Variants in HGSNAT observed in about 807,000 individuals in gnomAD.
HGSNAT encodes the protein transmembrane protein 76.
HGSNAT carries 59 observed loss-of-function variants against 85.2 expected under a neutral mutation model. That is an observed-to-expected ratio of 0.69 (90% CI 0.56 to 0.86). HGSNAT has a LOEUF of 0.86. Ranked by LOEUF, HGSNAT falls within the 40% of genes least tolerant of loss-of-function variation. The pLI is 0.00. For synonymous variants in HGSNAT, 321 were observed against 304.5 expected (o/e 1.05, Z -0.56); for missense variants, 756 against 777.1 (o/e 0.97, Z 0.32).
In HGSNAT at chr8:43,188,581, G is replaced by A. The variant is rs148518881; in HGVS notation, c.1129-2893G>A. Among the ~76,000 whole-genome samples, 665 of 152,208 alleles carry A rather than the reference G, an allele frequency of 4.4e-3. 4 individuals carry two copies. The highest frequency in any genetic ancestry group is 0.015 in the African/African-American group (636 of 41,520). On this transcript the variant is annotated intron_variant, in intron 11 of 17. Transcript: ENST00000379644. ...AAGGTTTTTAGCTTCTTTGAGATGG[G>A]TTCAAACATCCTCCTTTAGCTCGGA...
At chr8:43,175,193 G>T (rs2130758835) in intron 9 of HGSNAT, among the ~76,000 whole-genome samples, 2 of 152,218 alleles carry the variant, frequency 1.3e-5, no homozygotes, top group Admixed American at 1.3e-4. Context: ...CAATAAAGAT[G>T]GGAGTATCTC....
intron 10 of HGSNAT, among the ~76,000 whole-genome samples, chr8:43,178,576 T>C (rs1803895090): frequency 6.6e-6 from 1 of 150,894 alleles, no homozygotes; most frequent in Non-Finnish European, 1.5e-5. Context: ...CCCCTGCTAA[T>C]GTGATTTCAT....
intron 10 of HGSNAT, among the ~76,000 whole-genome samples, chr8:43,179,669 C>T (rs1201282820): frequency 3.8e-4 from 4 of 10,430 alleles, no homozygotes; most frequent in African/African-American, 8.7e-4. Context: ...GGGCTGATCC[C>T]CCCACCTCCC....
In HGSNAT at chr8:43,197,955, A is replaced by G; in HGVS notation, c.1726+3A>G. ...AGGAACCCCATTCTTTTATCCAGGT[A>G]AGTCACCTCCAACCTCAAACAGAGC... On this transcript the variant is annotated splice_donor_region_variant and intron_variant, in intron 17 of 17. Transcript: ENST00000379644. The G allele has an allele frequency of 6.2e-7, 1 of 1,600,594 alleles. No homozygotes were observed. The highest frequency in any genetic ancestry group is 8.6e-7 in the Non-Finnish European group (1 of 1,168,622).
chr8:43,196,475 T>C lies in HGSNAT; in HGVS notation c.1465-473T>C, dbSNP rs541973128. The C allele has an allele frequency of 7.7e-4, 993 of 1,289,490 alleles. 1 individual carries two copies. The highest frequency in any genetic ancestry group is 9.3e-4 in the Non-Finnish European group (915 of 989,044). The allele number at this position is 1,289,490 out of a possible 1,614,324, so 79.9% of individuals were successfully genotyped here. A position where few individuals can be genotyped will look rare whatever the true frequency, so the allele number is the denominator to read the frequency against. ...CAAACAGGCCTGTCTGACGGAACCC[T>C]TGTCACCTTTGTGGAGAATTCTCTT... On this transcript the variant is annotated intron_variant, in intron 14 of 17. Transcript: ENST00000379644.
intron 10 of HGSNAT, chr8:43,180,496 T>G (rs1316321042): frequency 3.3e-5 from 2 of 60,414 alleles, no homozygotes; most frequent in Non-Finnish European, 7.7e-5. Context: ...TCTCAGACGA[T>G]GGGCGGCCGG....
rs1802738210 is a variant in HGSNAT, at chr8:43,146,986, C to T, written c.157C>T (p.Gln53Ter). The T allele has an allele frequency of 6.2e-7, 1 of 1,607,164 alleles. No individual in the cohort carries two copies. Among genetic ancestry groups the T allele is most frequent in the Non-Finnish European group, 8.5e-7 (1 of 1,177,624 alleles). Residue 53 changes from glutamine to a stop codon, truncating the protein, a stop_gained, in exon 2 of 18, where the codon CAG (glutamine) becomes TAG (stop). Coordinates refer to ENST00000379644, the MANE Select transcript of HGSNAT (RefSeq NM_152419.3). LOFTEE classifies it high-confidence loss of function. ...AAGACATGCAGAGCTGAAGATGGAT[C>T]AGGCTTTGCTACTCATCCATAATGA... ...KKRHAELKMD[Q>*]ALLLIHNELL... is the part of the protein sequence containing the mutation.
intron 9 of HGSNAT, among the ~76,000 whole-genome samples, chr8:43,176,557 G>A (rs1803819072): frequency 6.6e-6 from 1 of 151,956 alleles, no homozygotes; most frequent in African/African-American, 2.4e-5. Flanking sequence ...ATAAATTTCA[G>A]CATTTTTTTT....
intron 11 of HGSNAT, among the ~76,000 whole-genome samples, chr8:43,190,228 C>G (rs928671306): frequency 1.3e-5 from 2 of 152,136 alleles, no homozygotes; most frequent in African/African-American, 4.8e-5. Context: ...TTACTTCTTT[C>G]CCCCACCCAC....
chr8:43,194,519 C>G (rs1419172105), intron 14 of HGSNAT: 1 of 985,020 alleles, frequency 1.0e-6, no homozygotes, highest in Non-Finnish European at 1.2e-6. Flanking sequence ...TCTGTGTGTC[C>G]TGACCTAACA....
intron 2 of HGSNAT, among the ~76,000 whole-genome samples, chr8:43,149,267 T>G (rs1802816395): frequency 6.6e-6 from 1 of 152,120 alleles, no homozygotes; most frequent in South Asian, 2.1e-4. Context: ...TATTTAATCA[T>G]AGTGGTAGAA....
intron 2 of HGSNAT, among the ~76,000 whole-genome samples, chr8:43,155,395 A>G (rs1168820864): frequency 2.0e-5 from 3 of 152,142 alleles, no homozygotes; most frequent in Non-Finnish European, 4.4e-5. Flanking sequence ...CCCCTGATAC[A>G]TAATAGTTGT....
chr8:43,190,697 GT>G (rs1040176128), intron 11 of HGSNAT, among the ~76,000 whole-genome samples: 3 of 152,162 alleles, frequency 2.0e-5, no homozygotes, highest in Non-Finnish European at 4.4e-5. Flanking sequence ...AGATCCAAAA[GT>G]TTGAATTTCG....
Position 43,197,748 on chromosome 8 carries a change from T to G in HGSNAT, c.1613+6T>G, listed in dbSNP as rs1234639394. 1 of 1,611,032 alleles carries G rather than the reference T, an allele frequency of 6.2e-7. No homozygotes were observed. Among genetic ancestry groups the G allele is most frequent in the Non-Finnish European group, 8.5e-7 (1 of 1,177,154 alleles). ...CCAGTAAACAAAAATCTCTGGTATGTATGGAAAAAGCATGATTTTATGGAT... is the reference window on the plus strand; with the variant it reads ...CCAGTAAACAAAAATCTCTGGTATGGATGGAAAAAGCATGATTTTATGGAT... On this transcript the variant is annotated splice_donor_region_variant and intron_variant, in intron 16 of 17. Coordinates refer to ENST00000379644, the MANE Select transcript of HGSNAT (RefSeq NM_152419.3).
In HGSNAT at chr8:43,150,118, A is replaced by G. The variant is rs191803426; in HGVS notation, c.234+3055A>G. ...ACTACAGGCGCCCGCCACCGCACCC[A>G]GTAATTTTGTATTTTTAGTAGAGAC... is the stretch of plus-strand genomic sequence containing the variant. On this transcript the variant is annotated intron_variant, in intron 2 of 17. Transcript: ENST00000379644. 2.5e-3 allele frequency among the ~76,000 whole-genome samples: 380 copies of G among 151,866 alleles called. 2 individuals are homozygous for G. Among genetic ancestry groups the G allele is most frequent in the South Asian group, 0.011 (53 of 4,784 alleles).
At chr8:43,196,908 T>C in intron 14 of HGSNAT, 40 bp from the exon 15 acceptor site, 1 of 1,235,528 alleles carries the variant, frequency 8.1e-7, no homozygotes, top group African/African-American at 1.5e-5. Context: ...AAAATATCCC[T>C]TTGGCGATTC....
chr8:43,146,671 A>T (rs1802723059), intron 1 of HGSNAT, among the ~76,000 whole-genome samples: 1 of 152,106 alleles, frequency 6.6e-6, no homozygotes, highest in Non-Finnish European at 1.5e-5. Context: ...ACTAGATTTG[A>T]GTGGTGTTGA....
chr8:43,194,654 T>C (rs1804649287), intron 14 of HGSNAT: 1 of 308,030 alleles, frequency 3.2e-6, no homozygotes, highest in Non-Finnish European at 4.7e-6. Flanking sequence ...GGGGGACAAA[T>C]GCTGTGTCCT....
At chr8:43,185,588 G>A (rs887546665) in intron 11 of HGSNAT, among the ~76,000 whole-genome samples, 3 of 152,178 alleles carry the variant, frequency 2.0e-5, no homozygotes, top group Admixed American at 2.0e-4. Flanking sequence ...TGCAAACAGG[G>A]ACAATTTGAC....
Sources: allele counts gnomAD v4.1 joint callset (sites outside exome capture counted in the v4.1 genomes callset), GRCh38; gene constraint gnomAD v4.1.1; transcripts MANE v1.5; gene names NCBI Gene and HGNC (gene_info 2026-07-23, HGNC 2026-07-21).